PTPRG: variants seen among roughly 807,000 people sequenced by gnomAD.
PTPRG encodes the protein receptor-type tyrosine-protein phosphatase gamma.
A neutral mutation model predicts 165.3 loss-of-function variants in PTPRG; 102 were observed. The ratio of observed to expected loss-of-function variants is 0.62; its 90% CI spans 0.53 to 0.73. The LOEUF (loss-of-function observed/expected upper bound fraction) is 0.73, where lower values mean the gene tolerates loss of function less well. Ranked by LOEUF, PTPRG falls within the 30% of genes least tolerant of loss-of-function variation. The pLI is 0.00. For missense variants in PTPRG, 1,866 were observed against 1,861.4 expected, an observed-to-expected ratio of 1.00 and a Z score of -0.05; for synonymous variants, 675 against 669.5, an observed-to-expected ratio of 1.01 and a Z score of -0.13.
At chr3:61,612,828 C>G (rs556111907) in intron 1 of PTPRG, among the ~76,000 whole-genome samples, 1 of 150,908 alleles carries the variant, frequency 6.6e-6, no homozygotes, top group Non-Finnish European at 1.5e-5. Flanking sequence ...TCCTATTACT[C>G]GTTCTGAATT....
chr3:61,719,830 C>G (rs2031974084), intron 1 of PTPRG, among the ~76,000 whole-genome samples: 1 of 152,132 alleles, frequency 6.6e-6, no homozygotes, highest in South Asian at 2.1e-4. Context: ...CCCAGACACC[C>G]TTGTGCCTCA....
intron 1 of PTPRG, among the ~76,000 whole-genome samples, chr3:61,674,740 T>C (rs575980273): frequency 6.6e-6 from 1 of 152,198 alleles, no homozygotes; most frequent in Non-Finnish European, 1.5e-5. Context: ...GGAAAAGTCC[T>C]GGAATGTCTT....
At chr3:61,614,997 C>T (rs979221260) in intron 1 of PTPRG, among the ~76,000 whole-genome samples, 6 of 152,156 alleles carry the variant, frequency 3.9e-5, no homozygotes, top group East Asian at 1.9e-4. Context: ...GCGCTCCACC[C>T]GTTATAGTTT....
At chr3:61,750,233 A>G (rs2106920541) in intron 2 of PTPRG, 1 of 152,322 alleles carries the variant, frequency 6.6e-6, no homozygotes, top group East Asian at 1.9e-4. Context: ...AAGAAACCCA[A>G]AGAAAATTTA....
At chr3:62,231,478 C>T (rs1206491595) in intron 14 of PTPRG, among the ~76,000 whole-genome samples, 167 bp downstream of exon 14, 3 of 152,114 alleles carry the variant, frequency 2.0e-5, no homozygotes, top group Non-Finnish European at 4.4e-5. Context: ...ATCAATTCAG[C>T]TTGTGGGTAG....
rs370065429 is a variant in PTPRG, at chr3:62,102,215, G to A, written c.615+23957G>A. Among the ~76,000 whole-genome samples, 5 of 152,176 alleles carry A rather than the reference G, an allele frequency of 3.3e-5. No homozygotes were observed. The East Asian group carries it at 7.8e-4, about 24-fold the overall frequency. Reference sequence around the variant, plus strand: ...AGCTTAGCACAGCGTGGATACTTAAGGTAACTGTTGCCGTGTTTGGACACC... The same window carrying A: ...AGCTTAGCACAGCGTGGATACTTAAAGTAACTGTTGCCGTGTTTGGACACC... On this transcript the variant is annotated intron_variant, in intron 5 of 29. Coordinates refer to ENST00000474889, the MANE Select transcript of PTPRG (RefSeq NM_002841.4).
chr3:61,691,016 T>C (rs2030168436), intron 1 of PTPRG, among the ~76,000 whole-genome samples: 1 of 152,120 alleles, frequency 6.6e-6, no homozygotes, highest in African/African-American at 2.4e-5. Flanking sequence ...ATAGAGGAAA[T>C]AAAATATGGC....
At chr3:62,165,242 T>A (rs1645909593) in intron 7 of PTPRG, among the ~76,000 whole-genome samples, 2 of 152,196 alleles carry the variant, frequency 1.3e-5, no homozygotes, top group African/African-American at 4.8e-5. Context: ...TTTTTAATCA[T>A]TTTGATTGGT....
chr3:62,167,278 A>G (rs1441834024), intron 7 of PTPRG, among the ~76,000 whole-genome samples: 1 of 152,154 alleles, frequency 6.6e-6, no homozygotes, highest in Non-Finnish European at 1.5e-5. Flanking sequence ...TAAATGTTGA[A>G]CTTAGGCAGT....
intron 6 of PTPRG, among the ~76,000 whole-genome samples, chr3:62,151,636 C>T (rs1559572041): frequency 1.3e-5 from 2 of 149,590 alleles, no homozygotes; most frequent in Admixed American, 1.4e-4. Flanking sequence ...TGCACAGTAC[C>T]TGCTTATTAT....
At position 61,672,043 on chromosome 3, in the gene PTPRG, C is replaced by T. The variant is rs558840931; in HGVS notation, c.86-76835C>T. On this transcript the variant is annotated intron_variant, in intron 1 of 29. Transcript: ENST00000474889. ...GCAGAGGGTCTCCTCACTTCTCAGA[C>T]GGGGCGGCTGGGCAGAGACGCTCCT... is the stretch of plus-strand genomic sequence containing the variant. Among the ~76,000 whole-genome samples the T allele has an allele frequency of 1.6e-3, 206 of 131,322 alleles. 2 individuals carry two copies. Among genetic ancestry groups the T allele is most frequent in the African/African-American group, 5.8e-3 (191 of 32,966 alleles). 86.2% of individuals were successfully genotyped at this position (131,322 alleles called of 152,430 possible). A position where few individuals can be genotyped will look rare whatever the true frequency, so the allele number is the denominator to read the frequency against.
chr3:61,928,611 C>G (rs2039283984), intron 2 of PTPRG, among the ~76,000 whole-genome samples: 1 of 152,062 alleles, frequency 6.6e-6, no homozygotes, highest in Non-Finnish European at 1.5e-5. Flanking sequence ...GGGATTCTCC[C>G]TAAAACAAAA....
At chr3:62,230,450 G>C (rs532471677) in intron 13 of PTPRG, among the ~76,000 whole-genome samples, 92 of 152,278 alleles carry the variant, frequency 6.0e-4, no homozygotes, top group African/African-American at 2.2e-3. Context: ...AACAGAGTTT[G>C]GAAAGAATAG....
At chr3:61,925,752 A>G in intron 2 of PTPRG, 1 of 377,600 alleles carries the variant, frequency 2.6e-6, no homozygotes, top group Non-Finnish European at 5.2e-6. Flanking sequence ...TTAAAAAAAA[A>G]AAAAATCATC....
Position 61,818,645 on chromosome 3 carries a change from T to C in PTPRG, c.190+69663T>C, listed in dbSNP as rs528679275. On this transcript the variant is annotated intron_variant, in intron 2 of 29. Transcript: ENST00000474889. ...TGGCACTGTACTCCAGCCTAGACAATAGAGCAAGAAGACCCTGTCTCCAAA... is the reference window on the plus strand; with the variant it reads ...TGGCACTGTACTCCAGCCTAGACAACAGAGCAAGAAGACCCTGTCTCCAAA... Among the ~76,000 whole-genome samples the C allele has an allele frequency of 9.2e-5, 14 of 151,436 alleles. No individual in the cohort carries two copies. The East Asian group carries it at 9.7e-4, about 10-fold the overall frequency.
chr3:62,241,030 A>G (rs1388615), intron 14 of PTPRG, among the ~76,000 whole-genome samples: 33,834 of 152,040 alleles, frequency 0.22, 4,329 homozygotes, highest in African/African-American at 0.34. Flanking sequence ...ATAAATGAGG[A>G]AAAGTATACA....
At chr3:62,021,843 G>A (rs1346339334) in intron 4 of PTPRG, among the ~76,000 whole-genome samples, 2 of 141,736 alleles carry the variant, frequency 1.4e-5, no homozygotes, top group Admixed American at 1.4e-4. Flanking sequence ...GGCCATATAG[G>A]TCTTTTTCCT....
intron 1 of PTPRG, among the ~76,000 whole-genome samples, chr3:61,572,765 T>C (rs1053969490): frequency 6.6e-6 from 1 of 152,172 alleles, no homozygotes; most frequent in Non-Finnish European, 1.5e-5. Flanking sequence ...GGCAACAACA[T>C]TAACCTGAAA....
In PTPRG at chr3:61,569,506, C is replaced by G. The variant is rs188604266; in HGVS notation, c.85+7134C>G. 3.1e-3 allele frequency among the ~76,000 whole-genome samples: 470 copies of G among 152,054 alleles called. 2 individuals are homozygous for G. Among genetic ancestry groups the G allele is most frequent in the African/African-American group, 0.011 (438 of 41,468 alleles). On this transcript the variant is annotated intron_variant, in intron 1 of 29. Transcript: ENST00000474889. ...TTTATATGTTTATTTTTATAGAGAC[C>G]GGGTCTCTCCCTGTGTTGCCCAGGC...
Sources: gnomAD v4.1 joint callset for allele counts (sites outside exome capture counted in the v4.1 genomes callset) on GRCh38, gnomAD v4.1.1 for gene constraint, MANE v1.5 for transcripts, NCBI Gene and HGNC (gene_info 2026-07-23, HGNC 2026-07-21) for gene names.